RBFOX1: variants seen among roughly 807,000 people sequenced by gnomAD.
RBFOX1 encodes the protein RNA binding fox-1 homolog 1, also known as RNA binding protein fox-1 homolog 1.
In RBFOX1, 8 loss-of-function variants were observed where a neutral mutation model predicts 57.7. The observed-to-expected ratio is 0.14, with a 90% CI of 0.08 to 0.25. The LOEUF is 0.25. Ranked by LOEUF, RBFOX1 falls within the 10% of genes least tolerant of loss-of-function variation. The pLI is 1.00. For synonymous variants in RBFOX1, 326 were observed against 222.4 expected (o/e 1.47, Z -4.15); for missense variants, 611 against 548.5 (o/e 1.11, Z -1.14).
At chr16:6,672,166 C>T (rs888732682) in intron 3 of RBFOX1, among the ~76,000 whole-genome samples, 1 of 152,092 alleles carries the variant, frequency 6.6e-6, no homozygotes, top group Non-Finnish European at 1.5e-5. Context: ...AGATACTTAT[C>T]TTTTATTTAG....
At chr16:5,959,230 C>G (rs1250110770) in intron 4 of RBFOX1, among the ~76,000 whole-genome samples, 1 of 152,212 alleles carries the variant, frequency 6.6e-6, no homozygotes, top group Non-Finnish European at 1.5e-5. Flanking sequence ...TAACCATTCA[C>G]AGAGGGAACT....
Position 7,468,028 on chromosome 16 carries a change from G to C in RBFOX1, c.28-50119G>C, listed in dbSNP as rs17143704. Among the ~76,000 whole-genome samples the C allele has an allele frequency of 2.6e-5, 4 of 152,288 alleles. No individual in the cohort carries two copies. In the East Asian group the frequency reaches 5.8e-4, roughly 22 times the overall value. On this transcript the variant is annotated intron_variant, in intron 4 of 15. Coordinates refer to ENST00000550418, the MANE Select transcript of RBFOX1 (RefSeq NM_018723.4). ...AAGCAGAAGGAAAATGCCTAATTCC[G>C]ACTTGTTAGCCGCTGAACTTCTGAG...
At chr16:5,276,935 C>G (rs556391971) in intron 1 of RBFOX1, among the ~76,000 whole-genome samples, 3 of 152,184 alleles carry the variant, frequency 2.0e-5, no homozygotes, top group Non-Finnish European at 4.4e-5. Context: ...AGCAATCCCA[C>G]TACTAAGTAT....
At chr16:7,365,819 A>G (rs752026542) in intron 4 of RBFOX1, among the ~76,000 whole-genome samples, 31 of 152,222 alleles carry the variant, frequency 2.0e-4, no homozygotes, top group Non-Finnish European at 3.5e-4. Context: ...AGATACAGGT[A>G]TCTCTTACGT....
chr16:7,625,743 C>G (rs553208321), intron 10 of RBFOX1, among the ~76,000 whole-genome samples: 1 of 152,256 alleles, frequency 6.6e-6, no homozygotes, highest in Non-Finnish European at 1.5e-5. Context: ...CCATTTGATA[C>G]TAAAAGGGAA....
chr16:5,993,016 G>A (rs1344393130), intron 4 of RBFOX1, among the ~76,000 whole-genome samples: 1 of 152,176 alleles, frequency 6.6e-6, no homozygotes, highest in Non-Finnish European at 1.5e-5. Flanking sequence ...GGCAGCTCCA[G>A]GCTGGGGGAC....
intron 3 of RBFOX1, among the ~76,000 whole-genome samples, chr16:6,780,320 TA>T (rs2080643195): frequency 1.2e-5 from 1 of 80,442 alleles, no homozygotes; most frequent in Non-Finnish European, 2.0e-5. Flanking sequence ...TATTTATTCA[TA>T]TTTATATATA....
intron 4 of RBFOX1, among the ~76,000 whole-genome samples, chr16:5,977,160 C>T (rs1030488762): frequency 5.9e-5 from 9 of 152,160 alleles, no homozygotes; most frequent in African/African-American, 2.2e-4. Context: ...CCACCCATCT[C>T]TGTAGCTATA....
At chr16:7,080,492 G>A (rs868334684) in intron 4 of RBFOX1, among the ~76,000 whole-genome samples, 7 of 152,096 alleles carry the variant, frequency 4.6e-5, no homozygotes, top group Admixed American at 3.3e-4. Flanking sequence ...GGGAATGTGT[G>A]TTTTTCCCCT....
intron 3 of RBFOX1, among the ~76,000 whole-genome samples, chr16:7,037,585 G>T (rs756296098): frequency 6.6e-6 from 1 of 152,188 alleles, no homozygotes; most frequent in South Asian, 2.1e-4. Flanking sequence ...ACTGAATTCA[G>T]TTTACTTTCT....
intron 1 of RBFOX1, among the ~76,000 whole-genome samples, chr16:6,098,990 A>T (rs2096275713): frequency 6.6e-6 from 1 of 152,218 alleles, no homozygotes; most frequent in African/African-American, 2.4e-5. Flanking sequence ...TTCATGATTC[A>T]TATCAACAGA....
At chr16:7,663,534 G>A (rs997071048) in intron 12 of RBFOX1, among the ~76,000 whole-genome samples, 3 of 136,382 alleles carry the variant, frequency 2.2e-5, no homozygotes, top group Non-Finnish European at 3.2e-5. Flanking sequence ...TGTGTGTGTT[G>A]TAAAATGCCT....
intron 10 of RBFOX1, among the ~76,000 whole-genome samples, chr16:7,616,291 G>A (rs766307350): frequency 4.6e-5 from 7 of 152,218 alleles, no homozygotes; most frequent in East Asian, 1.9e-4. Flanking sequence ...TCCTCTCACC[G>A]TGCAGTCACA....
intron 1 of RBFOX1, among the ~76,000 whole-genome samples, chr16:5,252,406 A>G (rs978375921): frequency 1.3e-4 from 20 of 152,314 alleles, no homozygotes; most frequent in Non-Finnish European, 2.5e-4. Flanking sequence ...CTGCAATTCA[A>G]GTTTAACTGG....
chr16:6,847,004 A>C lies in RBFOX1; in HGVS notation c.-16+192354A>C, dbSNP rs115527388. Among the ~76,000 whole-genome samples the C allele has an allele frequency of 5.1e-3, 771 of 152,022 alleles. 10 individuals carry two copies. Among genetic ancestry groups the C allele is most frequent in the African/African-American group, 0.018 (735 of 41,456 alleles). On this transcript the variant is annotated intron_variant, in intron 3 of 15. Coordinates refer to ENST00000550418, the MANE Select transcript of RBFOX1 (RefSeq NM_018723.4). The stretch of plus-strand genomic sequence containing the variant: ...CCTTCTTTCTGTGTTCTTGTTGGGG[A>C]AAAGGGGAAGGTGTTAAATCCCACA...
At chr16:6,416,355 C>G (rs771059132) in intron 2 of RBFOX1, among the ~76,000 whole-genome samples, 6 of 152,174 alleles carry the variant, frequency 3.9e-5, no homozygotes, top group Non-Finnish European at 8.8e-5. Context: ...AATATCTATT[C>G]TTAAACTGGT....
intron 4 of RBFOX1, among the ~76,000 whole-genome samples, chr16:7,256,296 C>T (rs1239856768): frequency 6.6e-6 from 1 of 152,154 alleles, no homozygotes; most frequent in African/African-American, 2.4e-5. Context: ...AGAGGTTAAG[C>T]CTCACCTCCA....
At chr16:5,660,258 GA>G (rs771715291) in intron 3 of RBFOX1, among the ~76,000 whole-genome samples, 4 of 152,164 alleles carry the variant, frequency 2.6e-5, no homozygotes, top group Admixed American at 2.0e-4. Context: ...GCCCCAGTGA[GA>G]GAGGGGAATT....
intron 1 of RBFOX1, among the ~76,000 whole-genome samples, chr16:6,027,439 T>C (rs1216819777): frequency 6.6e-6 from 1 of 152,174 alleles, no homozygotes; most frequent in Non-Finnish European, 1.5e-5. Context: ...TTCACTGAGA[T>C]TCCAGAATCA....
Sources: gnomAD v4.1 joint callset for allele counts (sites outside exome capture counted in the v4.1 genomes callset) on GRCh38, gnomAD v4.1.1 for gene constraint, MANE v1.5 for transcripts, NCBI Gene and HGNC (gene_info 2026-07-23, HGNC 2026-07-21) for gene names.